Variants in TMUB1 observed in about 807,000 individuals in gnomAD.
The protein encoded by TMUB1 is transmembrane and ubiquitin-like domain-containing protein 1.
In TMUB1, 9 loss-of-function variants were observed where a neutral mutation model predicts 16.2. That is an observed-to-expected ratio of 0.55 (90% CI 0.33 to 0.97). The LOEUF (loss-of-function observed/expected upper bound fraction) is 0.97, where lower values mean the gene tolerates loss of function less well. Ranked by LOEUF, TMUB1 falls within the 50% of genes least tolerant of loss-of-function variation. The probability of loss-of-function intolerance (pLI) is 0.03; values close to 1 mark genes in which losing one functional copy is unlikely to be tolerated. For missense variants in TMUB1, 309 were observed against 313.5 expected, an observed-to-expected ratio of 0.99 and a Z score of 0.11; for synonymous variants, 155 against 152.2, an observed-to-expected ratio of 1.02 and a Z score of -0.13.
Position 151,082,711 on chromosome 7 carries a change from C to T in TMUB1, c.-30-118G>A. 1 of 808,664 alleles carries T rather than the reference C, an allele frequency of 1.2e-6. No homozygotes were observed. Among genetic ancestry groups the T allele is most frequent in the Non-Finnish European group, 1.7e-6 (1 of 588,886 alleles). The allele number at this position is 808,664 out of a possible 1,614,324, so 50.1% of individuals were successfully genotyped here. On this transcript the variant is annotated intron_variant, in intron 1 of 2. Coordinates refer to ENST00000297533, the MANE Select transcript of TMUB1 (RefSeq NM_001136044.2). The surrounding 1 kb of genome is among the most constrained non-coding windows in gnomAD (Gnocchi z 7.0). Reference sequence around the variant, plus strand: ...TCCCACCGTCCTCAGCCTCCGTCCCCTCACCCACCCCAGGGTACCGGCTTC... The same window carrying T: ...TCCCACCGTCCTCAGCCTCCGTCCCTTCACCCACCCCAGGGTACCGGCTTC...
chr7:151,082,553 A>G lies in TMUB1; in HGVS notation c.11T>C (p.Ile4Thr), dbSNP rs759877379. The G allele has an allele frequency of 2.0e-6, 3 of 1,501,858 alleles. No homozygotes were observed. The highest frequency in any genetic ancestry group is 2.7e-6 in the Non-Finnish European group (3 of 1,123,966). 93.0% of individuals were successfully genotyped at this position (1,501,858 alleles called of 1,614,324 possible). The change falls in exon 2 of 3, where the codon ATT becomes ACT. Residue 4 changes from isoleucine to threonine, a missense_variant. Transcript: ENST00000297533. The surrounding 1 kb of genome is among the most constrained non-coding windows in gnomAD (Gnocchi z 7.0). MTL[I>T]EGVGDEVTVL... ...GGTCACCTCATCACCCACCCCTTCA[A>G]TCAGGGTCATGGCGCCTGCCTTGCC...
In TMUB1 at chr7:151,081,502, G is replaced by A; in HGVS notation, c.*47C>T. 2.1e-6 allele frequency: 3 copies of A among 1,462,116 alleles called. No homozygotes were observed. Among genetic ancestry groups the A allele is most frequent in the Non-Finnish European group, 2.7e-6 (3 of 1,106,692 alleles). 90.6% of individuals were successfully genotyped at this position (1,462,116 alleles called of 1,614,324 possible). ...AGCAGCTCCCGCCGCGGCGCGGGGA[G>A]CAAGGTCCGGAGGGGCCGGCGACGC... is the stretch of plus-strand genomic sequence containing the variant. On this transcript the variant is annotated 3_prime_UTR_variant, in exon 3 of 3. Transcript: ENST00000297533. This position sits in a 1 kb window ranked among gnomAD's most constrained non-coding sequence, Gnocchi z 7.6.
rs1430510853 is a variant in TMUB1 at position 151,081,679 on chromosome 7, A to G, written c.611T>C (p.Leu204Pro). 7 of 1,589,936 alleles carry G rather than the reference A, an allele frequency of 4.4e-6. No individual in the cohort carries two copies. Among genetic ancestry groups the G allele is most frequent in the South Asian group, 1.1e-5 (1 of 88,208 alleles). ...EIGSLLLPLL[L>P]LLLLLLWYCQ... ...GTACCAGAGCAGCAGCAACAGCAGG[A>G]GCAGCAGGGGCAGCAGCAGGCTGCC... Residue 204 changes from leucine to proline, a missense_variant, in exon 3 of 3, where the codon CTC (leucine) becomes CCC (proline). Transcript: ENST00000297533. The surrounding 1 kb of genome is among the most constrained non-coding windows in gnomAD (Gnocchi z 7.6).
rs1422773048 is a variant in TMUB1 at position 151,081,481 on chromosome 7, G to A, written c.*68C>T. ...GAGAGGCGGGCCTGGGCAGGCAGCAGCTCCCGCCGCGGCGCGGGGAGCAAG... is the reference window on the plus strand; with the variant it reads ...GAGAGGCGGGCCTGGGCAGGCAGCAACTCCCGCCGCGGCGCGGGGAGCAAG... On this transcript the variant is annotated 3_prime_UTR_variant, in exon 3 of 3. Transcript: ENST00000297533. This position sits in a 1 kb window ranked among gnomAD's most constrained non-coding sequence, Gnocchi z 7.6. 1.4e-6 allele frequency: 2 copies of A among 1,425,762 alleles called. No homozygotes were observed. Among genetic ancestry groups the A allele is most frequent in the Admixed American group, 6.0e-5 (2 of 33,400 alleles). The allele number at this position is 1,425,762 out of a possible 1,614,324, so 88.3% of individuals were successfully genotyped here. A position where few individuals can be genotyped will look rare whatever the true frequency, so the allele number is the denominator to read the frequency against.
Position 151,082,041 on chromosome 7 carries a change from G to A in TMUB1, c.389+134C>T. ...GAGGGGCCGTCTGCCAGGGGAACAA[G>A]TACAGTTGTGATCTGGGGCGCTCAG... is the stretch of plus-strand genomic sequence containing the variant. On this transcript the variant is annotated intron_variant, in intron 2 of 2. Coordinates refer to ENST00000297533, the MANE Select transcript of TMUB1 (RefSeq NM_001136044.2). This position sits in a 1 kb window ranked among gnomAD's most constrained non-coding sequence, Gnocchi z 7.0. 1 of 1,410,078 alleles carries A rather than the reference G, an allele frequency of 7.1e-7. No homozygotes were observed. The highest frequency in any genetic ancestry group is 1.5e-5 in the South Asian group (1 of 66,114). 87.3% of individuals were successfully genotyped at this position (1,410,078 alleles called of 1,614,324 possible). A position where few individuals can be genotyped will look rare whatever the true frequency, so the allele number is the denominator to read the frequency against.
In TMUB1 at chr7:151,082,484, G is replaced by A. The variant is rs368738720; in HGVS notation, c.80C>T (p.Ala27Val). 7 of 1,584,462 alleles carry A rather than the reference G, an allele frequency of 4.4e-6. No individual in the cohort carries two copies. The highest frequency in any genetic ancestry group is 1.4e-5 in the African/African-American group (1 of 73,584). Residue 27 changes from alanine (A) to valine (V), a missense_variant, in exon 2 of 3, where the codon GCC (alanine) becomes GTC (valine). Physicochemically the swap from Ala to Val is moderately conservative, Grantham distance 64 (BLOSUM62 0). Transcript: ENST00000297533. This position sits in a 1 kb window ranked among gnomAD's most constrained non-coding sequence, Gnocchi z 7.0. ...CTCAGCGGTGTGCGTTGAGACCCAGGCAAGGGCCAGCACCAGAAGGCAGGC... is the reference window on the plus strand; with the variant it reads ...CTCAGCGGTGTGCGTTGAGACCCAGACAAGGGCCAGCACCAGAAGGCAGGC... ...VLACLLVLAL[A>V]WVSTHTAEGG...
In TMUB1 at chr7:151,082,684, G is replaced by T; in HGVS notation, c.-30-91C>A. 3 of 1,062,694 alleles carry T rather than the reference G, an allele frequency of 2.8e-6. No homozygotes were observed. The highest frequency in any genetic ancestry group is 3.7e-6 in the Non-Finnish European group (3 of 808,746). 65.8% of individuals were successfully genotyped at this position (1,062,694 alleles called of 1,614,324 possible). A position where few individuals can be genotyped will look rare whatever the true frequency, so the allele number is the denominator to read the frequency against. On this transcript the variant is annotated intron_variant, in intron 1 of 2. Coordinates refer to ENST00000297533, the MANE Select transcript of TMUB1 (RefSeq NM_001136044.2). This position sits in a 1 kb window ranked among gnomAD's most constrained non-coding sequence, Gnocchi z 7.0. ...GGTCCTGCCCTCACCCCACCGCGAC[G>T]CTCCCACCGTCCTCAGCCTCCGTCC...
chr7:151,082,209 C>T lies in TMUB1; in HGVS notation c.355G>A (p.Ala119Thr), dbSNP rs1585018489. The T allele has an allele frequency of 6.6e-7, 1 of 1,526,078 alleles. No individual in the cohort carries two copies. Among genetic ancestry groups the T allele is most frequent in the South Asian group, 1.3e-5 (1 of 77,692 alleles). The allele number at this position is 1,526,078 out of a possible 1,614,324, so 94.5% of individuals were successfully genotyped here. Reference sequence around the variant, plus strand: ...GAGCCAATGGTGTCGTGGGGCCAGGCCCTGGCCACCTGCTCTGAATCATTG... The same window carrying T: ...GAGCCAATGGTGTCGTGGGGCCAGGTCCTGGCCACCTGCTCTGAATCATTG... ...FLNDSEQVAR[A>T]WPHDTIGSLK... is the part of the protein sequence containing the mutation. Residue 119 changes from alanine to threonine, a missense_variant, in exon 2 of 3, where the codon GCC (alanine) becomes ACC (threonine). Physicochemically the swap from Ala to Thr is moderately conservative, Grantham distance 58 (BLOSUM62 0). Transcript: ENST00000297533. This position sits in a 1 kb window ranked among gnomAD's most constrained non-coding sequence, Gnocchi z 7.0.
Position 151,081,168 on chromosome 7 carries a change from C to T in TMUB1, c.*381G>A. 4.8e-6 allele frequency: 1 copy of T among 206,846 alleles called. No individual in the cohort carries two copies. Among genetic ancestry groups the T allele is most frequent in the East Asian group, 1.1e-4 (1 of 9,154 alleles). The allele number at this position is 206,846 out of a possible 1,614,324, so 12.8% of individuals were successfully genotyped here. The stretch of plus-strand genomic sequence containing the variant: ...CCGCTCCCCTTCACCAGCCTCCCAC[C>T]GACCTGGCGTCCCCAACTCAGCCCA... On this transcript the variant is annotated 3_prime_UTR_variant, in exon 3 of 3. Coordinates refer to ENST00000297533, the MANE Select transcript of TMUB1 (RefSeq NM_001136044.2). This position sits in a 1 kb window ranked among gnomAD's most constrained non-coding sequence, Gnocchi z 7.6.
rs907747110 is a variant in TMUB1 at position 151,082,412 on chromosome 7, T to C, written c.152A>G (p.Gln51Arg). Reference protein sequence around the residue: ...PQPSGTPTPSQPSAAMAATDS... With the variant: ...PQPSGTPTPSRPSAAMAATDS... ...GGTAGCTGCCATGGCTGCGCTGGGCTGGGATGGCGTTGGGGTCCCTGACGG... is the reference window on the plus strand; with the variant it reads ...GGTAGCTGCCATGGCTGCGCTGGGCCGGGATGGCGTTGGGGTCCCTGACGG... The change falls in exon 2 of 3, where the codon CAG becomes CGG. Residue 51 changes from glutamine (Q) to arginine (R), a missense_variant. Physicochemically the swap from Gln to Arg is conservative, Grantham distance 43. Transcript: ENST00000297533. The surrounding 1 kb of genome is among the most constrained non-coding windows in gnomAD (Gnocchi z 7.0). 1.9e-6 allele frequency: 3 copies of C among 1,608,524 alleles called. No homozygotes were observed. Among genetic ancestry groups the C allele is most frequent in the Non-Finnish European group, 2.5e-6 (3 of 1,177,034 alleles).
Position 151,081,417 on chromosome 7 carries a change from G to A in TMUB1, c.*132C>T. 7.7e-7 allele frequency: 1 copy of A among 1,303,194 alleles called. No homozygotes were observed. The allele number at this position is 1,303,194 out of a possible 1,614,324, so 80.7% of individuals were successfully genotyped here. ...GCCAGTCCCGGGAGTCCTCTGCGGC[G>A]CAGGGCTGGGCTCCAGGGCGGCGGG... On this transcript the variant is annotated 3_prime_UTR_variant, in exon 3 of 3. Transcript: ENST00000297533. The surrounding 1 kb of genome is among the most constrained non-coding windows in gnomAD (Gnocchi z 7.6).
Position 151,081,851 on chromosome 7 carries a change from G to T in TMUB1, c.439C>A (p.Gln147Lys). ...EQQVRLIYQG[Q>K]LLGDDTQTLG... Reference sequence around the variant, plus strand: ...GTCTGGGTGTCGTCGCCTAGCAGCTGCCCTTGGTAGATGAGTCGCACCTGC... The same window carrying T: ...GTCTGGGTGTCGTCGCCTAGCAGCTTCCCTTGGTAGATGAGTCGCACCTGC... Residue 147 changes from glutamine (Q) to lysine (K), a missense_variant, in exon 3 of 3, where the codon CAG (glutamine) becomes AAG (lysine). Gln to Lys is a moderately conservative substitution (Grantham distance 53). Coordinates refer to ENST00000297533, the MANE Select transcript of TMUB1 (RefSeq NM_001136044.2). This position sits in a 1 kb window ranked among gnomAD's most constrained non-coding sequence, Gnocchi z 7.6. The T allele has an allele frequency of 6.6e-7, 1 of 1,518,162 alleles. No homozygotes were observed. Among genetic ancestry groups the T allele is most frequent in the Non-Finnish European group, 8.8e-7 (1 of 1,132,374 alleles). 94.0% of individuals were successfully genotyped at this position (1,518,162 alleles called of 1,614,324 possible). A position where few individuals can be genotyped will look rare whatever the true frequency, so the allele number is the denominator to read the frequency against.
chr7:151,081,557 G>A lies in TMUB1; in HGVS notation c.733C>T (p.Arg245Cys), dbSNP rs1425273953. 2 of 1,593,958 alleles carry A rather than the reference G, an allele frequency of 1.3e-6. No homozygotes were observed. The highest frequency in any genetic ancestry group is 1.1e-5 in the South Asian group (1 of 89,522). ...LLSLLAFAMYRP is the reference protein window; with the variant it reads ...LLSLLAFAMYCP ...AAGCGCCCGCGGAGGCACTACGGGCGGTACATGGCAAAGGCCAGGAGACTG... is the reference window on the plus strand; with the variant it reads ...AAGCGCCCGCGGAGGCACTACGGGCAGTACATGGCAAAGGCCAGGAGACTG... Residue 245 changes from arginine to cysteine, a missense_variant, in exon 3 of 3, where the codon CGC becomes TGC. Transcript: ENST00000297533. The surrounding 1 kb of genome is among the most constrained non-coding windows in gnomAD (Gnocchi z 7.6).
chr7:151,082,852 A>C lies in TMUB1; in HGVS notation c.-30-259T>G, dbSNP rs900553648. 8 of 354,986 alleles carry C rather than the reference A, an allele frequency of 2.3e-5. No homozygotes were observed. The highest frequency in any genetic ancestry group is 2.4e-4 in the South Asian group (2 of 8,452). 22.0% of individuals were successfully genotyped at this position (354,986 alleles called of 1,614,324 possible). On this transcript the variant is annotated intron_variant, in intron 1 of 2. Coordinates refer to ENST00000297533, the MANE Select transcript of TMUB1 (RefSeq NM_001136044.2). The surrounding 1 kb of genome is among the most constrained non-coding windows in gnomAD (Gnocchi z 7.0). ...TCTTCAACCAGCTCCCAACTCACCCAAACCCTATCCCAAGGTAAGGGCCTA... is the reference window on the plus strand; with the variant it reads ...TCTTCAACCAGCTCCCAACTCACCCCAACCCTATCCCAAGGTAAGGGCCTA...
chr7:151,082,311 G>C lies in TMUB1; in HGVS notation c.253C>G (p.Pro85Ala). ...RHRGQAAQPE[P>A]STGFTATPPA... ...GGTGTTGCTGTGAACCCCGTGCTGG[G>C]CTCTGGCTGTGCAGCTTGACCTCTG... The change falls in exon 2 of 3, where the codon CCC (proline) becomes GCC (alanine). Residue 85 changes from proline (P) to alanine (A), a missense_variant. By Grantham distance (27) the Pro-to-Ala change is conservative. Coordinates refer to ENST00000297533, the MANE Select transcript of TMUB1 (RefSeq NM_001136044.2). This position sits in a 1 kb window ranked among gnomAD's most constrained non-coding sequence, Gnocchi z 7.0. The C allele has an allele frequency of 2.5e-6, 4 of 1,601,386 alleles. No individual in the cohort carries two copies. In the South Asian group the frequency reaches 4.4e-5, roughly 18 times the overall value.
In TMUB1 at chr7:151,082,256, A is replaced by G. The variant is rs1563395174; in HGVS notation, c.308T>C (p.Leu103Pro). Residue 103 changes from leucine (L) to proline (P), a missense_variant, in exon 2 of 3, where the codon CTC (leucine) becomes CCC (proline). Coordinates refer to ENST00000297533, the MANE Select transcript of TMUB1 (RefSeq NM_001136044.2). This position sits in a 1 kb window ranked among gnomAD's most constrained non-coding sequence, Gnocchi z 7.0. ...ATTGAGGAATTTCAGCCGTAGCACGAGGGGCTCCTGCGGGGAGTCCGGGGC... is the reference window on the plus strand; with the variant it reads ...ATTGAGGAATTTCAGCCGTAGCACGGGGGGCTCCTGCGGGGAGTCCGGGGC... ...PPAPDSPQEP[L>P]VLRLKFLNDS... 1.3e-6 allele frequency: 2 copies of G among 1,569,226 alleles called. No individual in the cohort carries two copies. The highest frequency in any genetic ancestry group is 1.7e-6 in the Non-Finnish European group (2 of 1,156,658).
chr7:151,082,766 C>T lies in TMUB1; in HGVS notation c.-30-173G>A, dbSNP rs1306546297. Reference sequence around the variant, plus strand: ...CCTCCCAGTCGCCCCAAACTTGCCTCCGGGTGCCCCTTCCCATCGCCGAAT... The same window carrying T: ...CCTCCCAGTCGCCCCAAACTTGCCTTCGGGTGCCCCTTCCCATCGCCGAAT... On this transcript the variant is annotated intron_variant, in intron 1 of 2. Transcript: ENST00000297533. The surrounding 1 kb of genome is among the most constrained non-coding windows in gnomAD (Gnocchi z 7.0). 2.3e-6 allele frequency: 1 copy of T among 443,576 alleles called. No homozygotes were observed. The highest frequency in any genetic ancestry group is 2.0e-5 in the African/African-American group (1 of 49,376). The allele number at this position is 443,576 out of a possible 1,614,324, so 27.5% of individuals were successfully genotyped here.
rs1156509239 is a variant in TMUB1 at position 151,081,141 on chromosome 7, C to T, written c.*408G>A. 4.6e-6 allele frequency: 1 copy of T among 215,376 alleles called. No homozygotes were observed. The highest frequency in any genetic ancestry group is 2.3e-5 in the African/African-American group (1 of 43,750). 13.3% of individuals were successfully genotyped at this position (215,376 alleles called of 1,614,324 possible). A position where few individuals can be genotyped will look rare whatever the true frequency, so the allele number is the denominator to read the frequency against. On this transcript the variant is annotated 3_prime_UTR_variant, in exon 3 of 3. Coordinates refer to ENST00000297533, the MANE Select transcript of TMUB1 (RefSeq NM_001136044.2). The surrounding 1 kb of genome is among the most constrained non-coding windows in gnomAD (Gnocchi z 7.6). ...GGTTCCGGGGAACTCCTCTGCCCCT[C>T]CCCGCTCCCCTTCACCAGCCTCCCA... is the stretch of plus-strand genomic sequence containing the variant.
chr7:151,082,509 C>A lies in TMUB1; in HGVS notation c.55G>T (p.Ala19Ser), dbSNP rs1164354928. Reference sequence around the variant, plus strand: ...GCAAGGGCCAGCACCAGAAGGCAGGCAAGCACCGAGAAAAGGACGGTCACC... The same window carrying A: ...GCAAGGGCCAGCACCAGAAGGCAGGAAAGCACCGAGAAAAGGACGGTCACC... The part of the protein sequence containing the change: ...DEVTVLFSVL[A>S]CLLVLALAWV... Residue 19 changes from alanine to serine, a missense_variant, in exon 2 of 3, where the codon GCC becomes TCC. Physicochemically the swap from Ala to Ser is moderately conservative, Grantham distance 99. Coordinates refer to ENST00000297533, the MANE Select transcript of TMUB1 (RefSeq NM_001136044.2). The surrounding 1 kb of genome is among the most constrained non-coding windows in gnomAD (Gnocchi z 7.0). The A allele has an allele frequency of 1.3e-6, 2 of 1,549,448 alleles. No homozygotes were observed. Among genetic ancestry groups the A allele is most frequent in the South Asian group, 1.2e-5 (1 of 83,928 alleles).
Sources: gnomAD v4.1 joint callset for allele counts on GRCh38, gnomAD v4.1.1 for gene constraint, Gnocchi (gnomAD v3.1) non-coding constraint, MANE v1.5 for transcripts, NCBI Gene and HGNC (gene_info 2026-07-23, HGNC 2026-07-21) for gene names.